Variants in PLPPR5 observed in about 807,000 individuals in gnomAD.
PLPPR5 encodes the protein phospholipid phosphatase related 5.
Under a neutral mutation model 33.9 loss-of-function variants are expected in PLPPR5, and 16 were observed. The ratio of observed to expected loss-of-function variants is 0.47; its 90% CI spans 0.32 to 0.72. The LOEUF is 0.72. Ranked by LOEUF, PLPPR5 falls within the 30% of genes least tolerant of loss-of-function variation. PLPPR5 has a pLI of 0.03. For synonymous variants in PLPPR5, 163 were observed against 150.3 expected, an observed-to-expected ratio of 1.08 and a Z score of -0.62; for missense variants, 301 against 406.7, an observed-to-expected ratio of 0.74 and a Z score of 2.23.
intron 4 of PLPPR5, among the ~76,000 whole-genome samples, chr1:98,916,075 C>T (rs559531909): frequency 6.6e-6 from 1 of 152,266 alleles, no homozygotes; most frequent in East Asian, 1.9e-4. Context: ...AAATGCTACA[C>T]TGAAAAGCCT....
intron 3 of PLPPR5, among the ~76,000 whole-genome samples, chr1:98,945,487 C>G (rs915620628): frequency 4.6e-5 from 7 of 152,060 alleles, no homozygotes; most frequent in African/African-American, 1.7e-4. Context: ...AATGGGGGTA[C>G]CTTCCAGGAG....
At chr1:98,948,575 A>G (rs923413546) in intron 3 of PLPPR5, among the ~76,000 whole-genome samples, 3 of 152,182 alleles carry the variant, frequency 2.0e-5, no homozygotes, top group Non-Finnish European at 4.4e-5. Flanking sequence ...TTCTCTGGAC[A>G]ATAAAATACA....
At chr1:98,952,954 A>G (rs1311929817) in intron 3 of PLPPR5, 116 bp downstream of exon 3, 12 of 1,261,258 alleles carry the variant, frequency 9.5e-6, no homozygotes, top group Non-Finnish European at 1.3e-5. Flanking sequence ...AATGGCCTAC[A>G]GAAAGATATG....
At chr1:98,907,311 C>T (rs1488178059) in intron 5 of PLPPR5, among the ~76,000 whole-genome samples, 1 of 150,246 alleles carries the variant, frequency 6.7e-6, no homozygotes, top group Non-Finnish European at 1.5e-5. Context: ...AAGCGATTCT[C>T]CTGCTTCAGC....
chr1:98,935,966 A>C (rs1261753202), intron 3 of PLPPR5, among the ~76,000 whole-genome samples: 1 of 152,036 alleles, frequency 6.6e-6, no homozygotes. Context: ...CTCAACGTGC[A>C]CCTGGGTTTA....
chr1:98,976,508 A>G (rs1557690392), intron 1 of PLPPR5, among the ~76,000 whole-genome samples: 1 of 152,006 alleles, frequency 6.6e-6, no homozygotes, highest in Non-Finnish European at 1.5e-5. Flanking sequence ...CCCACAGAAA[A>G]AGTAGACTAG....
rs958551860 is a variant in PLPPR5 at position 98,891,817 on chromosome 1, G to T, written c.*1255C>A. On this transcript the variant is annotated 3_prime_UTR_variant, in exon 6 of 6. Transcript: ENST00000263177. ...TTTTGAACCATAGGTAGTTGCCCAG[G>T]ATTCTACTGAGCTCTGAAAGGCCTC... 2.0e-5 allele frequency: 3 copies of T among 151,964 alleles called. No individual in the cohort carries two copies. Among genetic ancestry groups the T allele is most frequent in the Admixed American group, 1.3e-4 (2 of 15,224 alleles). 9.4% of individuals were successfully genotyped at this position (151,964 alleles called of 1,614,324 possible).
chr1:98,910,409 T>G (rs1378654158), intron 5 of PLPPR5, among the ~76,000 whole-genome samples: 2 of 152,180 alleles, frequency 1.3e-5, no homozygotes, highest in Admixed American at 6.5e-5. Flanking sequence ...AAATGAAGTT[T>G]AAGTAGAATG....
intron 3 of PLPPR5, among the ~76,000 whole-genome samples, chr1:98,922,603 G>A (rs1045180645): frequency 5.3e-5 from 8 of 152,192 alleles, no homozygotes; most frequent in African/African-American, 1.9e-4. Flanking sequence ...AAGATTCAAT[G>A]CAATGCCGAG....
At chr1:98,970,885 T>C (rs867594736) in intron 1 of PLPPR5, among the ~76,000 whole-genome samples, 1 of 152,124 alleles carries the variant, frequency 6.6e-6, no homozygotes, top group African/African-American at 2.4e-5. Flanking sequence ...CATTATAATA[T>C]TTTATTATTT....
Position 99,004,550 on chromosome 1 carries a change from T to G in PLPPR5, c.122A>C (p.Gln41Pro). ...GGCGCTGTCGTGGCAGAAGAAGCCC[T>G]GCACGTTCACGGTGAACGTGTCCGT... ...EYTDTFTVNV[Q>P]GFFCHDSAYR... Residue 41 changes from glutamine to proline, a missense_variant, in exon 1 of 6, where the codon CAG (glutamine) becomes CCG (proline). Transcript: ENST00000263177. 6.2e-7 allele frequency: 1 copy of G among 1,613,070 alleles called. No individual in the cohort carries two copies. Among genetic ancestry groups the G allele is most frequent in the Non-Finnish European group, 8.5e-7 (1 of 1,179,852 alleles).
rs545508092 is a variant in PLPPR5, at chr1:98,951,251, T to C, written c.621+1819A>G. Reference sequence around the variant, plus strand: ...TAAGGCTGAGTGCTTCATATTCTAGTAGAGGTGAAACATGTAGCCAAGAGA... The same window carrying C: ...TAAGGCTGAGTGCTTCATATTCTAGCAGAGGTGAAACATGTAGCCAAGAGA... On this transcript the variant is annotated intron_variant, in intron 3 of 5. Transcript: ENST00000263177. 5.9e-5 allele frequency among the ~76,000 whole-genome samples: 9 copies of C among 152,296 alleles called. No homozygotes were observed. The South Asian group carries it at 1.9e-3, about 32-fold the overall frequency.
At chr1:98,974,059 C>T (rs1651760355) in intron 1 of PLPPR5, among the ~76,000 whole-genome samples, 1 of 151,738 alleles carries the variant, frequency 6.6e-6, no homozygotes, top group Admixed American at 6.6e-5. Context: ...AGGGCACATG[C>T]AAATAATGAG....
At chr1:98,935,722 T>C (rs1263337344) in intron 3 of PLPPR5, among the ~76,000 whole-genome samples, 3 of 152,218 alleles carry the variant, frequency 2.0e-5, no homozygotes, top group African/African-American at 4.8e-5. Context: ...GCTTGCTTTA[T>C]GTGCAGTGGT....
intron 1 of PLPPR5, among the ~76,000 whole-genome samples, chr1:98,987,684 A>G (rs531510582): frequency 4.3e-4 from 65 of 152,056 alleles, no homozygotes; most frequent in African/African-American, 1.4e-3. Flanking sequence ...ACACCATGGG[A>G]CTGGGTAAGA....
At chr1:99,005,172 G>A (rs989519115), upstream of PLPPR5, 3 of 151,426 alleles carry the variant, frequency 2.0e-5, no homozygotes, top group African/African-American at 4.9e-5. Flanking sequence ...AATCAAAAGG[G>A]GGGGAGGGGA....
chr1:98,922,136 A>T, intron 3 of PLPPR5, 78 bp from the exon 4 acceptor site: 1 of 1,330,824 alleles, frequency 7.5e-7, no homozygotes, highest in African/African-American at 1.5e-5. Context: ...TGTATGTACA[A>T]ACATATATTT....
intron 1 of PLPPR5, among the ~76,000 whole-genome samples, chr1:98,999,344 A>G (rs1652744495): frequency 6.6e-6 from 1 of 152,196 alleles, no homozygotes. Context: ...CAATTTTACA[A>G]TAGAGAAAAC....
At chr1:98,965,568 G>A (rs971078755) in intron 1 of PLPPR5, among the ~76,000 whole-genome samples, 1 of 152,178 alleles carries the variant, frequency 6.6e-6, no homozygotes, top group African/African-American at 2.4e-5. Flanking sequence ...GAATGCAGGT[G>A]TGAATCATAA....
Sources: allele counts gnomAD v4.1 joint callset (sites outside exome capture counted in the v4.1 genomes callset), GRCh38; gene constraint gnomAD v4.1.1; transcripts MANE v1.5; gene names NCBI Gene and HGNC (gene_info 2026-07-23, HGNC 2026-07-21).